The following BICRA variants were observed in gnomAD, a reference collection of about 807,000 sequenced individuals.
The protein encoded by BICRA is BRD4 interacting chromatin remodeling complex associated protein, also known as BRD4-interacting chromatin-remodeling complex-associated protein.
Under a neutral mutation model 96.9 loss-of-function variants are expected in BICRA, and 31 were observed. The observed-to-expected ratio is 0.32, with a 90% confidence interval of 0.24 to 0.43. The LOEUF is 0.43. Among genes scored for constraint, BICRA ranks in the 20% least tolerant of loss-of-function variants. BICRA has a pLI of 1.00. For synonymous variants in BICRA, 1,350 were observed against 1,071.8 expected, an observed-to-expected ratio of 1.26 and a Z score of -5.07; for missense variants, 2,283 against 2,190.3, an observed-to-expected ratio of 1.04 and a Z score of -0.84.
intron 1 of BICRA, among the ~76,000 whole-genome samples, chr19:47,654,325 CT>C (rs1460403246): frequency 1.3e-5 from 2 of 151,944 alleles, no homozygotes; most frequent in African/African-American, 4.8e-5. Context: ...ATACCTCTTT[CT>C]TTTTTGTACA....
At chr19:47,695,342 T>TCCTCCCC in intron 9 of BICRA, 23 bp from the exon 10 acceptor site, 2 of 630,200 alleles carry the variant, frequency 3.2e-6, no homozygotes, top group Non-Finnish European at 5.7e-6. Context: ...AGGCCCTGTC[T>TCCTCCCC]CCCCCACCCC....
rs778371800 is a variant in BICRA, at chr19:47,698,541, C to G, written c.3249-93C>G. The G allele has an allele frequency of 5.7e-6, 4 of 697,948 alleles. No individual in the cohort carries two copies. Among genetic ancestry groups the G allele is most frequent in the African/African-American group, 3.5e-5 (2 of 56,654 alleles). The allele number at this position is 697,948 out of a possible 1,614,324, so 43.2% of individuals were successfully genotyped here. A position where few individuals can be genotyped will look rare whatever the true frequency, so the allele number is the denominator to read the frequency against. ...CCCTTCCCGCTGTTGTGTTCAGTTGCGGCCTGGGGCTGAGGGTTCAGGGAC... is the reference window on the plus strand; with the variant it reads ...CCCTTCCCGCTGTTGTGTTCAGTTGGGGCCTGGGGCTGAGGGTTCAGGGAC... On this transcript the variant is annotated intron_variant, in intron 11 of 14. Coordinates refer to ENST00000594866, the MANE Select transcript of BICRA (RefSeq NM_001394372.1). This position sits in a 1 kb window ranked among gnomAD's most constrained non-coding sequence, Gnocchi z 4.8.
At chr19:47,696,373 C>G in intron 10 of BICRA, 78 bp from the exon 11 acceptor site, 1 of 1,363,544 alleles carries the variant, frequency 7.3e-7, no homozygotes. Context: ...CGTCTTTATC[C>G]TAGGCTAGAG....
intron 10 of BICRA, 70 bp downstream of exon 10, chr19:47,695,544 A>T: frequency 1.4e-6 from 1 of 735,398 alleles, no homozygotes; most frequent in Non-Finnish European, 2.4e-6. Flanking sequence ...TGGGGCTGGC[A>T]GGGGCAGGGA....
intron 5 of BICRA, 48 bp from the exon 6 acceptor site, chr19:47,679,273 C>G: frequency 7.3e-7 from 1 of 1,372,322 alleles, no homozygotes; most frequent in South Asian, 1.7e-5. Context: ...CTAAGCGTAG[C>G]CCCTTGCTAA....
chr19:47,652,118 G>A (rs398088787), intron 1 of BICRA, among the ~76,000 whole-genome samples: 1 of 152,178 alleles, frequency 6.6e-6, no homozygotes, highest in South Asian at 2.1e-4. Context: ...AGAAAAATAG[G>A]GGAGTGATTA....
At chr19:47,614,359 G>A (rs1971953421) in intron 1 of BICRA, among the ~76,000 whole-genome samples, 1 of 152,230 alleles carries the variant, frequency 6.6e-6, no homozygotes, top group Non-Finnish European at 1.5e-5. Context: ...GCTCACGCCT[G>A]TAATCCCAGC....
chr19:47,619,129 T>G (rs1972024758), intron 1 of BICRA, among the ~76,000 whole-genome samples: 1 of 152,174 alleles, frequency 6.6e-6, no homozygotes, highest in Non-Finnish European at 1.5e-5. Context: ...CCCTAGAACG[T>G]GCGCGGTGAT....
intron 1 of BICRA, among the ~76,000 whole-genome samples, chr19:47,623,250 C>G (rs975150136): frequency 6.6e-6 from 1 of 152,104 alleles, no homozygotes; most frequent in Admixed American, 6.6e-5. Flanking sequence ...AGAAAGGATA[C>G]TGCTTCTGTT....
chr19:47,619,399 T>C (rs953273394), intron 1 of BICRA, among the ~76,000 whole-genome samples: 4 of 151,852 alleles, frequency 2.6e-5, no homozygotes, highest in Non-Finnish European at 5.9e-5. Context: ...GCTGGGATTA[T>C]AGGCGCCCGC....
chr19:47,680,216 C>T lies in BICRA; in HGVS notation c.1046C>T (p.Thr349Met), dbSNP rs759972231. 28 of 1,558,228 alleles carry T rather than the reference C, an allele frequency of 1.8e-5. No individual in the cohort carries two copies. Among genetic ancestry groups the T allele is most frequent in the South Asian group, 1.4e-4 (12 of 85,900 alleles). The change falls in exon 6 of 15, where the codon ACG (threonine) becomes ATG (methionine). Residue 349 changes from threonine (T) to methionine (M), a missense_variant. Thr to Met is a moderately conservative substitution (Grantham distance 81, BLOSUM62 -1). Coordinates refer to ENST00000594866, the MANE Select transcript of BICRA (RefSeq NM_001394372.1). ...AACGTGATCCTGCATCGCACACCCACGCCCATCCAGCCCAAGCCCGCGGGG... is the reference window on the plus strand; with the variant it reads ...AACGTGATCCTGCATCGCACACCCATGCCCATCCAGCCCAAGCCCGCGGGG... ...APNVILHRTP[T>M]PIQPKPAGVL...
chr19:47,644,564 A>G (rs1321991572), intron 1 of BICRA, among the ~76,000 whole-genome samples: 2 of 142,784 alleles, frequency 1.4e-5, no homozygotes, highest in African/African-American at 5.3e-5. Context: ...GCAGTGGCAC[A>G]CTCTCAGCTC....
At chr19:47,690,026 A>G (rs1973217468) in intron 7 of BICRA, among the ~76,000 whole-genome samples, 1 of 151,686 alleles carries the variant, frequency 6.6e-6, no homozygotes, top group African/African-American at 2.4e-5. Flanking sequence ...TTTGAGACAG[A>G]GTTTCGCTCT....
In BICRA at chr19:47,702,326, C is replaced by G. The variant is rs757563464; in HGVS notation, c.4594C>G (p.Pro1532Ala). ...CCCCCACGCTGCCTCGGCCGGCACCCCCGCATCCCCGCCGCCCCTGCACAG... is the reference window on the plus strand; with the variant it reads ...CCCCCACGCTGCCTCGGCCGGCACCGCCGCATCCCCGCCGCCCCTGCACAG... ...SYPHAASAGT[P>A]ASPPPLHRPE... The change falls in exon 15 of 15, where the codon CCC becomes GCC. Residue 1532 changes from proline (P) to alanine (A), a missense_variant. Physicochemically the swap from Pro to Ala is conservative, Grantham distance 27. Coordinates refer to ENST00000594866, the MANE Select transcript of BICRA (RefSeq NM_001394372.1). 14 of 1,553,434 alleles carry G rather than the reference C, an allele frequency of 9.0e-6. No homozygotes were observed. The Admixed American group carries it at 2.1e-4, about 23-fold the overall frequency.
At chr19:47,690,048 C>G (rs1973217803) in intron 7 of BICRA, among the ~76,000 whole-genome samples, 1 of 152,112 alleles carries the variant, frequency 6.6e-6, no homozygotes, top group Admixed American at 6.5e-5. Flanking sequence ...TTTGCCCAGG[C>G]TGGAGTGCAA....
chr19:47,646,743 T>C (rs908854380), intron 1 of BICRA, among the ~76,000 whole-genome samples: 1 of 152,178 alleles, frequency 6.6e-6, no homozygotes, highest in African/African-American at 2.4e-5. Flanking sequence ...CATCCAGCAA[T>C]TATAAAGTAA....
rs5828310 is a variant in BICRA, at chr19:47,666,297, CTTTTTTTTTT to C, written c.-107-4144_-107-4135del. On this transcript the variant is annotated intron_variant, in intron 1 of 14. Transcript: ENST00000594866. ...TTCTTTTTTTCTTTTTCTTTTTCTT[CTTTTTTTTTT>C]TGAGCTCTGTCATCCAGGCTGGAGT... is the stretch of plus-strand genomic sequence containing the variant. 6.3e-4 allele frequency among the ~76,000 whole-genome samples: 93 copies of C among 147,520 alleles called. 1 individual carries two copies. The highest frequency in any genetic ancestry group is 4.1e-3 in the Admixed American group (60 of 14,778).
intron 1 of BICRA, among the ~76,000 whole-genome samples, chr19:47,626,717 GT>G (rs35347398): frequency 0.49 from 49,800 of 100,922 alleles, 11,461 homozygotes; most frequent in Middle Eastern, 0.57. Flanking sequence ...TGCATCCTGG[GT>G]TTTTTTTTTT....
At chr19:47,647,892 C>T (rs557403104) in intron 1 of BICRA, among the ~76,000 whole-genome samples, 3 of 81,648 alleles carry the variant, frequency 3.7e-5, no homozygotes, top group East Asian at 6.1e-4. Context: ...CCGTAGTTCG[C>T]GGGGGGAGTG....
Sources: allele counts gnomAD v4.1 joint callset (sites outside exome capture counted in the v4.1 genomes callset), GRCh38; gene constraint gnomAD v4.1.1; non-coding constraint Gnocchi (gnomAD v3.1); transcripts MANE v1.5; gene names NCBI Gene and HGNC (gene_info 2026-07-23, HGNC 2026-07-21).